Variants in FARS2 observed in about 807,000 individuals in gnomAD.
The protein encoded by FARS2 is phenylalanine--tRNA ligase, mitochondrial.
In FARS2, 40 loss-of-function variants were observed where a neutral mutation model predicts 46.4. That is an observed-to-expected ratio of 0.86 (90% CI 0.67 to 1.12). The LOEUF is 1.12. Among genes scored for constraint, FARS2 ranks in the 50% most tolerant of loss-of-function variants. The pLI is 0.00. For missense variants in FARS2, 513 were observed against 567.9 expected (o/e 0.90, Z 0.98); for synonymous variants, 234 against 214.9 (o/e 1.09, Z -0.78).
At chr6:5,599,552 G>T (rs965653820) in intron 5 of FARS2, among the ~76,000 whole-genome samples, 2 of 152,208 alleles carry the variant, frequency 1.3e-5, no homozygotes, top group African/African-American at 4.8e-5. Flanking sequence ...TATTTCTTCT[G>T]TCAATATATT....
intron 6 of FARS2, among the ~76,000 whole-genome samples, chr6:5,667,842 T>TAAA (rs1313162212): frequency 6.6e-6 from 1 of 152,232 alleles, no homozygotes; most frequent in Non-Finnish European, 1.5e-5. Flanking sequence ...ATCTTAACTT[T>TAAA]AGTGGGTTGA....
intron 4 of FARS2, among the ~76,000 whole-genome samples, chr6:5,485,120 G>A (rs1766698285): frequency 6.6e-6 from 1 of 152,072 alleles, no homozygotes; most frequent in Non-Finnish European, 1.5e-5. Flanking sequence ...CTGTGACCCT[G>A]GTACATGCAC....
intron 6 of FARS2, among the ~76,000 whole-genome samples, chr6:5,755,305 C>T (rs1762149426): frequency 6.6e-6 from 1 of 152,180 alleles, no homozygotes; most frequent in African/African-American, 2.4e-5. Flanking sequence ...CCGTCATCTA[C>T]ATTAGGTATT....
intron 5 of FARS2, among the ~76,000 whole-genome samples, chr6:5,598,119 G>T (rs1259014565): frequency 2.0e-5 from 3 of 152,128 alleles, no homozygotes; most frequent in African/African-American, 7.2e-5. Flanking sequence ...GGGCAAGGAG[G>T]CTCATGCCTG....
chr6:5,589,443 TC>T (rs1224374197), intron 5 of FARS2, among the ~76,000 whole-genome samples: 4 of 152,244 alleles, frequency 2.6e-5, no homozygotes, highest in Non-Finnish European at 4.4e-5. Context: ...AACTAGTTTG[TC>T]TTTGGCAGTA....
At chr6:5,568,404 TG>T (rs974073149) in intron 5 of FARS2, among the ~76,000 whole-genome samples, 1 of 152,196 alleles carries the variant, frequency 6.6e-6, no homozygotes, top group African/African-American at 2.4e-5. Flanking sequence ...TCTGCTCTTG[TG>T]CCAGGCACCG....
intron 1 of FARS2, among the ~76,000 whole-genome samples, chr6:5,337,128 C>T (rs1457563000): frequency 1.3e-5 from 2 of 149,648 alleles, no homozygotes; most frequent in Non-Finnish European, 3.0e-5. Flanking sequence ...ATTCCTTCTA[C>T]ATTGGTTTAT....
At chr6:5,516,463 A>G (rs1010703912) in intron 4 of FARS2, among the ~76,000 whole-genome samples, 2 of 152,238 alleles carry the variant, frequency 1.3e-5, no homozygotes, top group East Asian at 1.9e-4. Context: ...ATTAATGTGC[A>G]TAGTTGACAC....
the FARS2 span, among the ~76,000 whole-genome samples, chr6:5,251,326 G>A: frequency 1.3e-5 from 2 of 151,896 alleles, no homozygotes; most frequent in Non-Finnish European, 2.9e-5. Flanking sequence ...ATTCATATTA[G>A]GGTGGTATTT....
At chr6:5,359,350 C>T (rs1176980180) in intron 1 of FARS2, among the ~76,000 whole-genome samples, 1 of 152,086 alleles carries the variant, frequency 6.6e-6, no homozygotes, top group African/African-American at 2.4e-5. Context: ...CAAGATATCT[C>T]TTCTTAATGG....
intron 6 of FARS2, among the ~76,000 whole-genome samples, chr6:5,637,560 C>T (rs994577439): frequency 1.3e-5 from 2 of 152,210 alleles, no homozygotes. Context: ...ATGTTGCTTC[C>T]AGCGTATTGA....
chr6:5,667,241 T>G lies in FARS2; in HGVS notation c.1217+53921T>G, dbSNP rs112700969. Reference sequence around the variant, plus strand: ...AATAAAAATAAAGATTAAATTTGGCTGGGCACAGTGGCTCACGCCTGTAAT... The same window carrying G: ...AATAAAAATAAAGATTAAATTTGGCGGGGCACAGTGGCTCACGCCTGTAAT... On this transcript the variant is annotated intron_variant, in intron 6 of 6. Transcript: ENST00000274680. Among the ~76,000 whole-genome samples the G allele has an allele frequency of 6.9e-4, 105 of 152,284 alleles. 2 individuals are homozygous for G. Among genetic ancestry groups the G allele is most frequent in the Middle Eastern group, 3.4e-3 (1 of 292 alleles).
intron 6 of FARS2, among the ~76,000 whole-genome samples, chr6:5,740,017 G>A (rs1761232197): frequency 6.6e-6 from 1 of 152,170 alleles, no homozygotes; most frequent in South Asian, 2.1e-4. Context: ...AGGTCATACA[G>A]CAAAGCCAGG....
intron 4 of FARS2, among the ~76,000 whole-genome samples, chr6:5,530,385 C>T (rs1200486450): frequency 6.6e-6 from 1 of 151,978 alleles, no homozygotes; most frequent in Non-Finnish European, 1.5e-5. Context: ...TATGTAAGTA[C>T]AATATGTGAT....
chr6:5,416,105 T>C lies in FARS2; in HGVS notation c.772+11404T>C, dbSNP rs80112048. Among the ~76,000 whole-genome samples, 205 of 152,368 alleles carry C rather than the reference T, an allele frequency of 1.3e-3. 1 individual carries two copies. Among genetic ancestry groups the C allele is most frequent in the African/African-American group, 4.5e-3 (188 of 41,586 alleles). On this transcript the variant is annotated intron_variant, in intron 3 of 6. Transcript: ENST00000274680. The stretch of plus-strand genomic sequence containing the variant: ...TATTTTCACTCAGTCTTTTCATTAG[T>C]GTTGTTCCTCAAAAGGCAGAAGTTC...
intron 6 of FARS2, chr6:5,695,061 A>G (rs1758015172): frequency 6.6e-6 from 1 of 152,164 alleles, no homozygotes; most frequent in Non-Finnish European, 1.5e-5. Context: ...TTACACTTGT[A>G]TTTCTTGTCT....
At chr6:5,609,478 C>G in intron 5 of FARS2, 1 of 1,217,552 alleles carries the variant, frequency 8.2e-7, no homozygotes, top group Non-Finnish European at 1.2e-6. Context: ...GCCCTGCCAC[C>G]ATATCCACCA....
At chr6:5,550,887 A>T (rs1020580428) in intron 5 of FARS2, among the ~76,000 whole-genome samples, 1 of 152,162 alleles carries the variant, frequency 6.6e-6, no homozygotes, top group Non-Finnish European at 1.5e-5. Flanking sequence ...TAATTTCTTC[A>T]AAGAGCCCTC....
At chr6:5,474,173 C>T (rs772999221) in intron 4 of FARS2, among the ~76,000 whole-genome samples, 10 of 152,206 alleles carry the variant, frequency 6.6e-5, no homozygotes, top group South Asian at 2.1e-4. Context: ...TGGCACATGC[C>T]GCTGTCTACA....
Sources: allele counts gnomAD v4.1 joint callset (sites outside exome capture counted in the v4.1 genomes callset), GRCh38; gene constraint gnomAD v4.1.1; transcripts MANE v1.5; gene names NCBI Gene and HGNC (gene_info 2026-07-23, HGNC 2026-07-21).